Variants in SHQ1 observed in about 807,000 individuals in gnomAD.
The protein encoded by SHQ1 is SHQ1, H/ACA ribonucleoprotein assembly factor.
A neutral mutation model predicts 53.8 loss-of-function variants in SHQ1; 49 were observed. The observed-to-expected ratio is 0.91, with a 90% CI of 0.72 to 1.16. The LOEUF (loss-of-function observed/expected upper bound fraction) is 1.16. Ranked by LOEUF, SHQ1 falls within the 50% of genes most tolerant of loss-of-function variation. The pLI, the probability that SHQ1 is intolerant of heterozygous loss-of-function variation, is 0.00. For missense variants in SHQ1, 738 were observed against 683.1 expected, an observed-to-expected ratio of 1.08 and a Z score of -0.90; for synonymous variants, 243 against 251.0, an observed-to-expected ratio of 0.97 and a Z score of 0.30.
In SHQ1 at chr3:72,817,325, G is replaced by T. The variant is rs202201562; in HGVS notation, c.787C>A (p.Leu263Met). Reference protein sequence around the residue: ...LRKFVNKSYLLDKRACRQVCY... With the variant: ...LRKFVNKSYLMDKRACRQVCY... ...ACTTGACGACAGGCTCTCTTGTCCA[G>T]CAGATAAGATTTATTGACAAATTTT... is the stretch of plus-strand genomic sequence containing the variant. The change falls in exon 7 of 11, where the codon CTG becomes ATG. Residue 263 changes from leucine (L) to methionine (M), a missense_variant. Transcript: ENST00000325599. 6.2e-7 allele frequency: 1 copy of T among 1,613,498 alleles called. No individual in the cohort carries two copies. Among genetic ancestry groups the T allele is most frequent in the Non-Finnish European group, 8.5e-7 (1 of 1,179,576 alleles).
At chr3:72,818,109 A>T (rs1707373861) in intron 6 of SHQ1, among the ~76,000 whole-genome samples, 1 of 151,888 alleles carries the variant, frequency 6.6e-6, no homozygotes. Flanking sequence ...ACACAAGCAT[A>T]CCTACTAGGG....
rs551300846 is a variant in SHQ1 at position 72,801,116 on chromosome 3, G to A, written c.1061-8080C>T. Among the ~76,000 whole-genome samples, 4 of 147,058 alleles carry A rather than the reference G, an allele frequency of 2.7e-5. No individual in the cohort carries two copies. The South Asian group carries it at 8.4e-4, about 31-fold the overall frequency. On this transcript the variant is annotated intron_variant, in intron 9 of 10. Transcript: ENST00000325599. The stretch of plus-strand genomic sequence containing the variant: ...AATTTCTTCAGACAACTAAGAATGA[G>A]GCATCCAAGTTCAAGGTAGAACATT...
Position 72,792,080 on chromosome 3 carries a change from C to G in SHQ1, c.1181+836G>C, listed in dbSNP as rs374525833. On this transcript the variant is annotated intron_variant, in intron 10 of 10. Coordinates refer to ENST00000325599, the MANE Select transcript of SHQ1 (RefSeq NM_018130.3). ...GAGTGTTCAGACCCTTCCATACATG[C>G]ATTATCAAGAATCATGCTATTAGGC... Among the ~76,000 whole-genome samples the G allele has an allele frequency of 4.3e-3, 655 of 152,306 alleles. 2 individuals are homozygous for G. The highest frequency in any genetic ancestry group is 6.7e-3 in the Non-Finnish European group (453 of 68,026).
intron 10 of SHQ1, among the ~76,000 whole-genome samples, chr3:72,780,250 T>A (rs1706044389): frequency 6.6e-6 from 1 of 152,202 alleles, no homozygotes; most frequent in Admixed American, 6.5e-5. Flanking sequence ...TTGTGAAAGC[T>A]TGACCTGTAT....
At chr3:72,795,352 T>A (rs1464745750) in intron 9 of SHQ1, 1 of 152,202 alleles carries the variant, frequency 6.6e-6, no homozygotes, top group Non-Finnish European at 1.5e-5. Flanking sequence ...TGTCAAATGA[T>A]TAGTGTGGAT....
In SHQ1 at chr3:72,792,912, T is replaced by C; in HGVS notation, c.1181+4A>G. The C allele has an allele frequency of 1.2e-6, 2 of 1,603,708 alleles. No individual in the cohort carries two copies. The highest frequency in any genetic ancestry group is 1.1e-5 in the South Asian group (1 of 89,154). On this transcript the variant is annotated splice_donor_region_variant and intron_variant, in intron 10 of 10. Coordinates refer to ENST00000325599, the MANE Select transcript of SHQ1 (RefSeq NM_018130.3). ...AATTCGTAAGTAACTCTATGAAAAC[T>C]TACTTGACTTTCTGAATCCACACAC...
At chr3:72,738,902 C>T in the SHQ1 span, among the ~76,000 whole-genome samples, 3 of 152,284 alleles carry the variant, frequency 2.0e-5, no homozygotes, top group East Asian at 3.9e-4. Context: ...CCCCGCCCCG[C>T]CCCGCGACGC....
In SHQ1 at chr3:72,777,246, C is replaced by T. The variant is rs1705976889; in HGVS notation, c.1181+15670G>A. Among the ~76,000 whole-genome samples, 5 of 152,156 alleles carry T rather than the reference C, an allele frequency of 3.3e-5. No individual in the cohort carries two copies. The South Asian group carries it at 1.0e-3, about 32-fold the overall frequency. ...AAAACTTCTGTTTATGAAAACACTA[C>T]AAGGAGACTGAAACATAAACTATAA... On this transcript the variant is annotated intron_variant, in intron 10 of 10. Coordinates refer to ENST00000325599, the MANE Select transcript of SHQ1 (RefSeq NM_018130.3).
At chr3:72,807,988 G>C (rs1001502168) in intron 9 of SHQ1, among the ~76,000 whole-genome samples, 1 of 152,110 alleles carries the variant, frequency 6.6e-6, no homozygotes, top group African/African-American at 2.4e-5. Flanking sequence ...CTATTCATCA[G>C]ACTTCACATG....
downstream of SHQ1, among the ~76,000 whole-genome samples, chr3:72,746,924 T>C (rs1367883672): frequency 6.6e-6 from 1 of 152,186 alleles, no homozygotes; most frequent in Non-Finnish European, 1.5e-5. Flanking sequence ...GTCATAAGGA[T>C]TTGGAAGCTC....
intron 9 of SHQ1, chr3:72,794,770 A>G (rs1010903761): frequency 6.6e-6 from 1 of 152,182 alleles, no homozygotes; most frequent in Non-Finnish European, 1.5e-5. Context: ...CCCACTATCA[A>G]GGTCTAGCTC....
chr3:72,800,150 T>C (rs1706741325), intron 9 of SHQ1, among the ~76,000 whole-genome samples: 1 of 152,144 alleles, frequency 6.6e-6, no homozygotes, highest in Non-Finnish European at 1.5e-5. Flanking sequence ...GTTCAACCTC[T>C]TGCCTGCCTT....
At chr3:72,732,384 G>GCCTT in the SHQ1 span, among the ~76,000 whole-genome samples, 993 of 86,714 alleles carry the variant, frequency 0.011, 3 homozygotes, top group South Asian at 0.018. Flanking sequence ...CTGCCTGCCT[G>GCCTT]CCTGCCTTCC....
At position 72,848,148 on chromosome 3, in the gene SHQ1, C is replaced by CAGCT. The variant is rs1299469897; in HGVS notation, c.143+46_143+49dup. On this transcript the variant is annotated intron_variant, in intron 1 of 10. Coordinates refer to ENST00000325599, the MANE Select transcript of SHQ1 (RefSeq NM_018130.3). ...TCGACCTTGCATTCTCCCTCTAAAGCAGCTATCTAACGAATGCGCCTTTCC... is the reference window on the plus strand; with the variant it reads ...TCGACCTTGCATTCTCCCTCTAAAGCAGCTAGCTATCTAACGAATGCGCCTTTCC... The CAGCT allele has an allele frequency of 3.1e-6, 5 of 1,608,322 alleles. No homozygotes were observed. The African/African-American group carries it at 6.7e-5, about 22-fold the overall frequency.
At chr3:72,757,888 C>G (rs1705532054) in intron 10 of SHQ1, among the ~76,000 whole-genome samples, 1 of 152,104 alleles carries the variant, frequency 6.6e-6, no homozygotes, top group South Asian at 2.1e-4. Context: ...GGCTTAATAC[C>G]TGGGTGGTGA....
chr3:72,789,457 T>C (rs1706368603), intron 10 of SHQ1, among the ~76,000 whole-genome samples: 1 of 152,180 alleles, frequency 6.6e-6, no homozygotes, highest in Non-Finnish European at 1.5e-5. Flanking sequence ...TTGGATACCA[T>C]GGAACTGTTA....
chr3:72,834,498 C>T (rs1157457683), intron 4 of SHQ1, among the ~76,000 whole-genome samples: 1 of 152,114 alleles, frequency 6.6e-6, no homozygotes, highest in Admixed American at 6.5e-5. Context: ...CCACTGCACT[C>T]CAGCTTGGGC....
intron 10 of SHQ1, among the ~76,000 whole-genome samples, chr3:72,780,781 G>A (rs907340374): frequency 4.6e-5 from 7 of 152,088 alleles, no homozygotes; most frequent in Non-Finnish European, 1.0e-4. Flanking sequence ...TTACAAATCT[G>A]GGATGTAAAG....
intron 9 of SHQ1, among the ~76,000 whole-genome samples, chr3:72,809,045 C>A (rs900817651): frequency 6.6e-6 from 1 of 151,410 alleles, no homozygotes. Flanking sequence ...TTAAGAGGCC[C>A]TAAGAGAGTA....
Sources: gnomAD v4.1 joint callset for allele counts (sites outside exome capture counted in the v4.1 genomes callset) on GRCh38, gnomAD v4.1.1 for gene constraint, MANE v1.5 for transcripts, NCBI Gene and HGNC (gene_info 2026-07-23, HGNC 2026-07-21) for gene names.